The following SYT1 variants were observed in gnomAD, a reference collection of about 807,000 sequenced individuals.
SYT1 encodes the protein synaptotagmin 1.
Under a neutral mutation model 44.8 loss-of-function variants are expected in SYT1, and 8 were observed. That is an observed-to-expected ratio of 0.18 (90% CI 0.10 to 0.32). SYT1 has a LOEUF of 0.32. Among genes scored for constraint, SYT1 ranks in the 10% least tolerant of loss-of-function variants. The pLI is 1.00. For missense variants in SYT1, 286 were observed against 509.3 expected (o/e 0.56, Z 4.22); for synonymous variants, 154 against 188.8 (o/e 0.82, Z 1.51).
intron 3 of SYT1, among the ~76,000 whole-genome samples, chr12:79,067,824 T>C (rs953733700): frequency 6.6e-6 from 1 of 152,170 alleles, no homozygotes; most frequent in Non-Finnish European, 1.5e-5. Flanking sequence ...TCCCCTAGGA[T>C]CAAGCTGCCA....
intron 9 of SYT1, among the ~76,000 whole-genome samples, chr12:79,391,197 A>AGTG (rs1565938722): frequency 3.3e-5 from 5 of 151,998 alleles, no homozygotes; most frequent in South Asian, 2.1e-4. Context: ...TCTGGGGGGC[A>AGTG]TTTGTTAAAA....
chr12:79,425,080 G>A (rs773948844), intron 9 of SYT1, among the ~76,000 whole-genome samples: 13 of 151,000 alleles, frequency 8.6e-5, no homozygotes, highest in Non-Finnish European at 1.5e-4. Context: ...CCCCAAAGAG[G>A]TCAAACAGAT....
intron 1 of SYT1, among the ~76,000 whole-genome samples, chr12:78,894,786 T>C (rs372728123): frequency 2.0e-5 from 3 of 151,594 alleles, no homozygotes; most frequent in Admixed American, 6.6e-5. Flanking sequence ...GGGGAGCTGT[T>C]GGTTAACGGA....
chr12:78,915,337 T>C (rs1876588548), intron 1 of SYT1, among the ~76,000 whole-genome samples: 1 of 151,952 alleles, frequency 6.6e-6, no homozygotes, highest in African/African-American at 2.4e-5. Flanking sequence ...CCAGAAGTAA[T>C]ATTAAAAACC....
intron 2 of SYT1, chr12:79,046,366 C>A (rs987544334): frequency 6.6e-6 from 1 of 152,068 alleles, no homozygotes; most frequent in East Asian, 1.9e-4. Flanking sequence ...TATTATAAGA[C>A]CTATTTTAAA....
intron 1 of SYT1, among the ~76,000 whole-genome samples, chr12:78,894,347 T>G (rs1875235392): frequency 7.8e-6 from 1 of 128,294 alleles, no homozygotes; most frequent in Non-Finnish European, 1.7e-5. Flanking sequence ...TTTTTTTTTT[T>G]TTTTTTTTTT....
At chr12:79,243,907 A>C (rs1245812) in intron 4 of SYT1, among the ~76,000 whole-genome samples, 1 of 151,508 alleles carries the variant, frequency 6.6e-6, no homozygotes, top group Non-Finnish European at 1.5e-5. Flanking sequence ...GAAGGAAGGA[A>C]GGAAGGAAAT....
rs919394394 is a variant in SYT1, at chr12:79,062,009, A to G, written c.-18+14647A>G. ...TAAAAAAGAATCCTTTTATGAGCTTATGCTAGCTTATTTTAATGTTCTTGC... is the reference window on the plus strand; with the variant it reads ...TAAAAAAGAATCCTTTTATGAGCTTGTGCTAGCTTATTTTAATGTTCTTGC... On this transcript the variant is annotated intron_variant, in intron 3 of 10. Transcript: ENST00000261205. 3.9e-5 allele frequency among the ~76,000 whole-genome samples: 6 copies of G among 152,188 alleles called. No individual in the cohort carries two copies. The East Asian group carries it at 1.2e-3, about 29-fold the overall frequency.
At chr12:79,278,911 T>C (rs1393101265) in intron 4 of SYT1, among the ~76,000 whole-genome samples, 3 of 150,392 alleles carry the variant, frequency 2.0e-5, no homozygotes, top group African/African-American at 2.4e-5. Context: ...CTAGAGGAAA[T>C]AGATAAATTC....
chr12:79,045,044 T>G (rs1002050917), intron 2 of SYT1, among the ~76,000 whole-genome samples: 1 of 152,230 alleles, frequency 6.6e-6, no homozygotes, highest in East Asian at 1.9e-4. Flanking sequence ...CAGGGACATT[T>G]AAGTCTGCAG....
intron 1 of SYT1, among the ~76,000 whole-genome samples, chr12:78,967,807 A>T (rs1172268263): frequency 6.6e-6 from 1 of 152,138 alleles, no homozygotes; most frequent in African/African-American, 2.4e-5. Context: ...CTTGGGGGAA[A>T]TTAAACACAG....
intron 8 of SYT1, among the ~76,000 whole-genome samples, chr12:79,326,425 G>A (rs774846427): frequency 1.6e-4 from 24 of 152,230 alleles, no homozygotes; most frequent in African/African-American, 5.3e-4. Context: ...AATGAGATGC[G>A]GTCATTAGAG....
chr12:79,001,104 G>A (rs1273758302), intron 2 of SYT1, among the ~76,000 whole-genome samples: 1 of 152,004 alleles, frequency 6.6e-6, no homozygotes, highest in Non-Finnish European at 1.5e-5. Context: ...AAAAATTACA[G>A]CAAGGATAAG....
intron 9 of SYT1, among the ~76,000 whole-genome samples, chr12:79,426,618 A>T (rs1185939927): frequency 1.3e-5 from 2 of 152,188 alleles, no homozygotes; most frequent in Non-Finnish European, 2.9e-5. Context: ...GCGATAATCT[A>T]ATATTGATAA....
rs751002653 is a variant in SYT1, at chr12:79,217,646, C to T, written c.127C>T (p.Leu43=). The stretch of plus-strand genomic sequence containing the variant: ...AGGAAAGGAAGATGCATTTTCTAAG[C>T]TGAAGGAGAAGTTTATGAATGAGTT... ...GEGKEDAFSK[L]KEKFMNELHK... Residue 43 remains leucine, a synonymous_variant, in exon 4 of 11, where the codon CTG becomes TTG. Coordinates refer to ENST00000261205, the MANE Select transcript of SYT1 (RefSeq NM_005639.3). 6.2e-7 allele frequency: 1 copy of T among 1,612,880 alleles called. No individual in the cohort carries two copies. Among genetic ancestry groups the T allele is most frequent in the Non-Finnish European group, 8.5e-7 (1 of 1,179,478 alleles).
At chr12:79,415,646 C>A (rs911630513) in intron 9 of SYT1, among the ~76,000 whole-genome samples, 1 of 152,130 alleles carries the variant, frequency 6.6e-6, no homozygotes, top group African/African-American at 2.4e-5. Context: ...AGAGTTTTTG[C>A]CTTCATAAAC....
chr12:79,352,470 G>A (rs377121856), intron 8 of SYT1, among the ~76,000 whole-genome samples: 22 of 152,228 alleles, frequency 1.4e-4, no homozygotes, highest in African/African-American at 5.3e-4. Flanking sequence ...ACTAAAATAA[G>A]TCTTGATTTG....
intron 3 of SYT1, among the ~76,000 whole-genome samples, chr12:79,142,624 G>A (rs1336315472): frequency 1.3e-5 from 2 of 152,140 alleles, no homozygotes; most frequent in Non-Finnish European, 2.9e-5. Flanking sequence ...TGCAGGTGAA[G>A]CAAAATTTAA....
intron 3 of SYT1, among the ~76,000 whole-genome samples, chr12:79,148,695 T>C (rs112822699): frequency 2.7e-4 from 41 of 152,294 alleles, no homozygotes; most frequent in African/African-American, 9.9e-4. Flanking sequence ...TAATGCACTA[T>C]AGTTTCCAAA....
Sources: gnomAD v4.1 joint callset for allele counts (sites outside exome capture counted in the v4.1 genomes callset) on GRCh38, gnomAD v4.1.1 for gene constraint, MANE v1.5 for transcripts, NCBI Gene and HGNC (gene_info 2026-07-23, HGNC 2026-07-21) for gene names.